Variants in POPDC1 observed in about 807,000 individuals in gnomAD.
POPDC1 encodes the protein popeye domain cAMP effector 1.
chr6:105,107,839 T>A, the POPDC1 span, among the ~76,000 whole-genome samples: 1 of 152,170 alleles, frequency 6.6e-6, no homozygotes, highest in Non-Finnish European at 1.5e-5. Context: ...TCTTTTCCTG[T>A]CTTTGCTTAT....
At chr6:105,132,380 C>G in the POPDC1 span, among the ~76,000 whole-genome samples, 5 of 152,206 alleles carry the variant, frequency 3.3e-5, no homozygotes, top group Non-Finnish European at 4.4e-5. Context: ...ATAAATCCTG[C>G]TCATCTTCCA....
chr6:105,115,957 TGGCCA>T, the POPDC1 span: 6 of 761,252 alleles, frequency 7.9e-6, no homozygotes, highest in Non-Finnish European at 1.2e-5. Context: ...ACATATTAGG[TGGCCA>T]ATAAACATAA....
the POPDC1 span, chr6:105,101,319 C>T: frequency 8.3e-7 from 1 of 1,199,090 alleles, no homozygotes; most frequent in Non-Finnish European, 1.1e-6. Flanking sequence ...CTGTAGGAAT[C>T]TATCACTAGC....
chr6:105,127,017 G>C, the POPDC1 span, among the ~76,000 whole-genome samples: 1 of 152,116 alleles, frequency 6.6e-6, no homozygotes, highest in South Asian at 2.1e-4. Context: ...CCCCATCTTT[G>C]GGCCCAGCAT....
At chr6:105,125,451 G>C in the POPDC1 span, 1 of 1,614,204 alleles carries the variant, frequency 6.2e-7, no homozygotes, top group Non-Finnish European at 8.5e-7. Flanking sequence ...TGCAGCATAA[G>C]TTTGGCCCTT....
At chr6:105,121,437 T>C in the POPDC1 span, among the ~76,000 whole-genome samples, 2 of 152,004 alleles carry the variant, frequency 1.3e-5, no homozygotes, top group Non-Finnish European at 2.9e-5. Context: ...TCAGCTAATT[T>C]TTGTATTTTT....
At chr6:105,127,877 C>T in the POPDC1 span, among the ~76,000 whole-genome samples, 1 of 152,042 alleles carries the variant, frequency 6.6e-6, no homozygotes, top group Non-Finnish European at 1.5e-5. Flanking sequence ...TCTTGTGCCT[C>T]AGCCTCTGAG....
the POPDC1 span, among the ~76,000 whole-genome samples, chr6:105,127,951 G>T: frequency 6.6e-6 from 1 of 152,130 alleles, no homozygotes; most frequent in Non-Finnish European, 1.5e-5. Flanking sequence ...GTAGAGACAG[G>T]GTTTCGCCAT....
the POPDC1 span, among the ~76,000 whole-genome samples, chr6:105,124,148 C>T: frequency 4.6e-5 from 7 of 151,770 alleles, no homozygotes; most frequent in South Asian, 2.1e-4. Context: ...TTTGGGAGGC[C>T]GAGGCAGGCA....
At chr6:105,137,016 G>C in the POPDC1 span, 1 of 152,212 alleles carries the variant, frequency 6.6e-6, no homozygotes. Context: ...CCAAAGTTCG[G>C]AGCGGCAGCT....
the POPDC1 span, among the ~76,000 whole-genome samples, chr6:105,130,461 T>C: frequency 1.3e-5 from 2 of 152,210 alleles, no homozygotes; most frequent in African/African-American, 2.4e-5. Context: ...ATGAAATTTA[T>C]AGTTTTTTAC....
chr6:105,113,000 G>C, the POPDC1 span, among the ~76,000 whole-genome samples: 1 of 150,982 alleles, frequency 6.6e-6, no homozygotes, highest in Non-Finnish European at 1.5e-5. Context: ...GCTCTATCAT[G>C]GCTCACTGCA....
At chr6:105,124,315 G>C in the POPDC1 span, among the ~76,000 whole-genome samples, 1 of 150,328 alleles carries the variant, frequency 6.7e-6, no homozygotes, top group Admixed American at 6.7e-5. Flanking sequence ...CTGGGAGGCG[G>C]AGCTTGCAGT....
At chr6:105,120,287 A>AC in the POPDC1 span, among the ~76,000 whole-genome samples, 1 of 1,168 alleles carries the variant, frequency 8.6e-4, no homozygotes, top group African/African-American at 1.1e-3. Context: ...AAAAAAAAAA[A>AC]AAAAAAAAAA....
At chr6:105,132,142 T>C in the POPDC1 span, among the ~76,000 whole-genome samples, 3 of 152,100 alleles carry the variant, frequency 2.0e-5, no homozygotes, top group Non-Finnish European at 4.4e-5. Flanking sequence ...ATTTTTGTAC[T>C]TTTAGTAGAC....
chr6:105,119,862 A>T, the POPDC1 span, among the ~76,000 whole-genome samples: 6 of 152,342 alleles, frequency 3.9e-5, no homozygotes, highest in East Asian at 1.2e-3. Context: ...ATTGATGGTT[A>T]AAAAATTACT....
chr6:105,109,411 A>C, the POPDC1 span, among the ~76,000 whole-genome samples: 218 of 152,256 alleles, frequency 1.4e-3, no homozygotes, highest in African/African-American at 5.0e-3. Context: ...GAAGTGAGCT[A>C]TCTACGTAGG....
the POPDC1 span, among the ~76,000 whole-genome samples, chr6:105,125,994 C>A: frequency 6.6e-6 from 1 of 152,034 alleles, no homozygotes; most frequent in Non-Finnish European, 1.5e-5. Context: ...AAGGCCGAGG[C>A]GGGTGGATCT....
At chr6:105,114,381 A>G in the POPDC1 span, among the ~76,000 whole-genome samples, 221 of 152,300 alleles carry the variant, frequency 1.5e-3, no homozygotes, top group African/African-American at 5.1e-3. Context: ...GAAGAAGTAA[A>G]GTTTTTTCTT....
Sources: allele counts gnomAD v4.1 joint callset (sites outside exome capture counted in the v4.1 genomes callset), GRCh38; gene constraint gnomAD v4.1.1; transcripts MANE v1.5; gene names NCBI Gene and HGNC (gene_info 2026-07-23, HGNC 2026-07-21).